PPHLN1: variants seen among roughly 807,000 people sequenced by gnomAD.
PPHLN1 encodes the protein periphilin 1.
In PPHLN1, 29 loss-of-function variants were observed where a neutral mutation model predicts 51.3. That is an observed-to-expected ratio of 0.57 (90% CI 0.42 to 0.77). The LOEUF (loss-of-function observed/expected upper bound fraction) is 0.77. Among genes scored for constraint, PPHLN1 ranks in the 30% least tolerant of loss-of-function variants. The probability of loss-of-function intolerance (pLI) is 0.00; values close to 1 mark genes in which losing one functional copy is unlikely to be tolerated. For missense variants in PPHLN1, 436 were observed against 438.4 expected (o/e 0.99, Z 0.05); for synonymous variants, 147 against 147.8 (o/e 0.99, Z 0.04).
At chr12:42,353,623 G>A (rs2073678533) in intron 3 of PPHLN1, among the ~76,000 whole-genome samples, 2 of 152,068 alleles carry the variant, frequency 1.3e-5, no homozygotes, top group South Asian at 2.1e-4. Flanking sequence ...GCTTTTTGTG[G>A]TCCTCATATT....
intron 9 of PPHLN1, among the ~76,000 whole-genome samples, chr12:42,413,601 G>A (rs1048411815): frequency 2.7e-5 from 4 of 148,496 alleles, no homozygotes; most frequent in Non-Finnish European, 5.9e-5. Context: ...TCACTCTCTT[G>A]CCCGGGCTGG....
chr12:42,407,561 T>G (rs1278669119), intron 9 of PPHLN1, among the ~76,000 whole-genome samples: 5 of 152,266 alleles, frequency 3.3e-5, no homozygotes, highest in Non-Finnish European at 7.4e-5. Context: ...CAAAATCAAC[T>G]GGAAGGAATT....
chr12:42,393,793 C>A (rs1459269427), intron 8 of PPHLN1, 104 bp downstream of exon 8: 95 of 1,133,028 alleles, frequency 8.4e-5, no homozygotes, highest in Non-Finnish European at 1.1e-4. Context: ...CAAAATATAT[C>A]CTTATGGATT....
Position 42,400,798 on chromosome 12 carries a change from T to TCTCACACACA in PPHLN1, c.909+1805_909+1806insTCACACACAC, listed in dbSNP as rs1372615565. Reference sequence around the variant, plus strand: ...CTTTCTCTCTCTCTCTCTCTCTCTTTCACACACACACACACACACACACAC... The same window carrying TCTCACACACA: ...CTTTCTCTCTCTCTCTCTCTCTCTTTCTCACACACACACACACACACACACACACACACAC... On this transcript the variant is annotated intron_variant, in intron 9 of 9. Coordinates refer to ENST00000358314, the MANE Select transcript of PPHLN1 (RefSeq NM_201439.2). Among the ~76,000 whole-genome samples the TCTCACACACA allele has an allele frequency of 9.2e-3, 1,316 of 142,606 alleles. 15 individuals are homozygous for TCTCACACACA. The highest frequency in any genetic ancestry group is 0.032 in the African/African-American group (1,211 of 38,102). The allele number at this position is 142,606 out of a possible 152,430, so 93.6% of individuals were successfully genotyped here. A position where few individuals can be genotyped will look rare whatever the true frequency, so the allele number is the denominator to read the frequency against.
intron 2 of PPHLN1, among the ~76,000 whole-genome samples, chr12:42,339,632 C>T (rs536673302): frequency 7.9e-5 from 12 of 152,248 alleles, no homozygotes; most frequent in African/African-American, 2.4e-4. Context: ...GAACTAAGTG[C>T]ACTTACATTT....
At chr12:42,445,287 T>C (rs2083250516), downstream of PPHLN1, 1 of 591,798 alleles carries the variant, frequency 1.7e-6, no homozygotes, top group African/African-American at 1.9e-5. Flanking sequence ...TTAGAGAAAC[T>C]TAACTAAACA....
At chr12:42,341,170 G>A (rs567346297) in intron 2 of PPHLN1, among the ~76,000 whole-genome samples, 68 of 151,812 alleles carry the variant, frequency 4.5e-4, no homozygotes, top group African/African-American at 1.6e-3. Context: ...TTTAGTAGAG[G>A]TGGGGTTTTG....
At chr12:42,328,848 T>A (rs2069199905) in intron 1 of PPHLN1, among the ~76,000 whole-genome samples, 1 of 152,152 alleles carries the variant, frequency 6.6e-6, no homozygotes, top group Non-Finnish European at 1.5e-5. Flanking sequence ...TAGCTGGAAT[T>A]ACAGGCATGT....
intron 8 of PPHLN1, among the ~76,000 whole-genome samples, chr12:42,394,487 A>G (rs746613440): frequency 4.6e-5 from 7 of 152,172 alleles, no homozygotes; most frequent in Non-Finnish European, 8.8e-5. Flanking sequence ...AAGCATTGAT[A>G]TTGTATGTAA....
At chr12:42,428,820 C>T (rs73126405) in intron 9 of PPHLN1, among the ~76,000 whole-genome samples, 36 of 117,998 alleles carry the variant, frequency 3.1e-4, no homozygotes, top group South Asian at 5.5e-4. Context: ...TTTTTAACTT[C>T]TTTTTTTTTT....
chr12:42,390,594 A>C (rs1316643363), intron 7 of PPHLN1, among the ~76,000 whole-genome samples: 2 of 152,016 alleles, frequency 1.3e-5, no homozygotes, highest in Non-Finnish European at 2.9e-5. Context: ...ATCTACATGC[A>C]ACTGTGGCCC....
chr12:42,413,848 C>T (rs922897696), intron 9 of PPHLN1, among the ~76,000 whole-genome samples: 3 of 151,902 alleles, frequency 2.0e-5, no homozygotes, highest in Non-Finnish European at 4.4e-5. Context: ...CAGGTGTGAG[C>T]CACTGTGCCC....
At chr12:42,356,956 T>C (rs1034886666) in intron 4 of PPHLN1, among the ~76,000 whole-genome samples, 1 of 152,200 alleles carries the variant, frequency 6.6e-6, no homozygotes, top group Non-Finnish European at 1.5e-5. Flanking sequence ...TAAGAACTAT[T>C]ATGAAATTAG....
downstream of PPHLN1, chr12:42,446,394 C>G: frequency 1.4e-6 from 2 of 1,437,070 alleles, no homozygotes; most frequent in Non-Finnish European, 9.3e-7. Context: ...ATTCCCTTCC[C>G]AGCGTCTAGC....
chr12:42,365,473 T>C (rs528946732), intron 4 of PPHLN1, among the ~76,000 whole-genome samples: 1 of 152,158 alleles, frequency 6.6e-6, no homozygotes, highest in African/African-American at 2.4e-5. Context: ...CCGGTGAACA[T>C]ATGTCTGCTG....
At chr12:42,392,677 G>C (rs910250276) in intron 7 of PPHLN1, among the ~76,000 whole-genome samples, 1 of 152,110 alleles carries the variant, frequency 6.6e-6, no homozygotes, top group Non-Finnish European at 1.5e-5. Context: ...CCTTTAAACA[G>C]TACTGGGGGA....
At chr12:42,360,522 G>A (rs1250138643) in intron 4 of PPHLN1, among the ~76,000 whole-genome samples, 4 of 121,096 alleles carry the variant, frequency 3.3e-5, no homozygotes, top group Non-Finnish European at 6.4e-5. Flanking sequence ...CCAGGCTGAG[G>A]TCTCACTCTG....
chr12:42,395,593 T>C (rs1264212889), intron 8 of PPHLN1, among the ~76,000 whole-genome samples: 4 of 152,040 alleles, frequency 2.6e-5, no homozygotes, highest in Non-Finnish European at 5.9e-5. Context: ...AGAAATATAA[T>C]TTTGGCCTTG....
At chr12:42,335,218 C>A (rs959961957) in intron 1 of PPHLN1, among the ~76,000 whole-genome samples, 1 of 151,986 alleles carries the variant, frequency 6.6e-6, no homozygotes, top group Non-Finnish European at 1.5e-5. Flanking sequence ...CCGTCCCACC[C>A]CCCCCTTCTC....
Sources: gnomAD v4.1 joint callset for allele counts (sites outside exome capture counted in the v4.1 genomes callset) on GRCh38, gnomAD v4.1.1 for gene constraint, MANE v1.5 for transcripts, NCBI Gene and HGNC (gene_info 2026-07-23, HGNC 2026-07-21) for gene names.